The following NDUFA5 variants were observed in gnomAD, a reference collection of about 807,000 sequenced individuals.
NDUFA5 encodes the protein NADH:ubiquinone oxidoreductase subunit A5.
In NDUFA5, 11 loss-of-function variants were observed where a neutral mutation model predicts 19.8. The observed-to-expected ratio is 0.56, with a 90% CI of 0.35 to 0.92. The LOEUF (loss-of-function observed/expected upper bound fraction) is 0.92, where lower values mean the gene tolerates loss of function less well. Ranked by LOEUF, NDUFA5 falls within the 40% of genes least tolerant of loss-of-function variation. The pLI is 0.01. For synonymous variants in NDUFA5, 47 were observed against 46.8 expected (o/e 1.00, Z -0.01); for missense variants, 109 against 134.2 (o/e 0.81, Z 0.93).
chr7:123,546,862 C>A (rs762524932), intron 3 of NDUFA5: 1 of 472,596 alleles, frequency 2.1e-6, no homozygotes. Flanking sequence ...TTTCTAGAAA[C>A]TGTGAGTGTT....
At chr7:123,575,543 C>T in the NDUFA5 span, among the ~76,000 whole-genome samples, 207 of 151,976 alleles carry the variant, frequency 1.4e-3, 1 homozygote, top group African/African-American at 4.7e-3. Context: ...ATCTTAATTC[C>T]CTACATTTCT....
chr7:123,569,441 A>T, the NDUFA5 span, among the ~76,000 whole-genome samples: 1 of 152,180 alleles, frequency 6.6e-6, no homozygotes, highest in African/African-American at 2.4e-5. Context: ...AGTCATTACT[A>T]CCTGGTGTGG....
the NDUFA5 span, among the ~76,000 whole-genome samples, chr7:123,588,388 T>C: frequency 6.6e-6 from 1 of 151,708 alleles, no homozygotes; most frequent in Non-Finnish European, 1.5e-5. Context: ...ATTCATTTCA[T>C]TTGAATCTTC....
At chr7:123,549,012 G>C (rs1798236526) in intron 3 of NDUFA5, among the ~76,000 whole-genome samples, 1 of 138,494 alleles carries the variant, frequency 7.2e-6, no homozygotes, top group African/African-American at 2.6e-5. Context: ...TTACATTGTA[G>C]TATTATAAGT....
the NDUFA5 span, among the ~76,000 whole-genome samples, chr7:123,579,880 A>G: frequency 1.3e-5 from 2 of 152,160 alleles, no homozygotes; most frequent in East Asian, 3.9e-4. Context: ...TTCTCTTGCC[A>G]TTGTTTAGGT....
the NDUFA5 span, among the ~76,000 whole-genome samples, chr7:123,592,668 G>C: frequency 6.6e-6 from 1 of 152,104 alleles, no homozygotes; most frequent in African/African-American, 2.4e-5. Context: ...TGCGATTTCT[G>C]TTCTTTTACA....
At chr7:123,595,753 T>A in the NDUFA5 span, among the ~76,000 whole-genome samples, 32 of 152,188 alleles carry the variant, frequency 2.1e-4, no homozygotes, top group African/African-American at 7.5e-4. Context: ...ACTTTGTAAA[T>A]GCTCTTTAGC....
chr7:123,551,546 T>A (rs1051679674), intron 2 of NDUFA5: 29 of 704,978 alleles, frequency 4.1e-5, no homozygotes, highest in Non-Finnish European at 4.8e-5. Context: ...GCACTGCAAA[T>A]TTTTTTTTTT....
At chr7:123,568,651 T>G in the NDUFA5 span, among the ~76,000 whole-genome samples, 2 of 152,168 alleles carry the variant, frequency 1.3e-5, no homozygotes, top group Non-Finnish European at 2.9e-5. Flanking sequence ...GCTCCTCATT[T>G]AAAAGCAAGA....
the NDUFA5 span, chr7:123,585,107 A>T: frequency 6.6e-6 from 1 of 151,774 alleles, no homozygotes; most frequent in Non-Finnish European, 1.5e-5. Context: ...GGAAAAGACC[A>T]ATATACGTAT....
In NDUFA5 at chr7:123,539,509, C is replaced by G. The variant is rs1316614626; in HGVS notation, c.*2610G>C. 1 of 152,120 alleles carries G rather than the reference C, an allele frequency of 6.6e-6. No homozygotes were observed. Among genetic ancestry groups the G allele is most frequent in the African/African-American group, 2.4e-5 (1 of 41,410 alleles). The allele number at this position is 152,120 out of a possible 1,614,324, so 9.4% of individuals were successfully genotyped here. On this transcript the variant is annotated 3_prime_UTR_variant, in exon 5 of 5. Coordinates refer to ENST00000355749, the MANE Select transcript of NDUFA5 (RefSeq NM_005000.5). ...AGTATGATGATTAACTAGAATGAAACCCATGGGAGAACTGAAATAGGCCAT... is the reference window on the plus strand; with the variant it reads ...AGTATGATGATTAACTAGAATGAAAGCCATGGGAGAACTGAAATAGGCCAT...
At chr7:123,558,831 A>G (rs1261095467), upstream of NDUFA5, among the ~76,000 whole-genome samples, 1 of 152,198 alleles carries the variant, frequency 6.6e-6, no homozygotes, top group Non-Finnish European at 1.5e-5. Flanking sequence ...TCTAAGTGAC[A>G]CCATCAAATT....
At chr7:123,562,201 T>A (rs2116233153), upstream of NDUFA5, among the ~76,000 whole-genome samples, 1 of 152,234 alleles carries the variant, frequency 6.6e-6, no homozygotes, top group South Asian at 2.1e-4. Flanking sequence ...AAATCTTCTT[T>A]TTTCTTAGCC....
upstream of NDUFA5, among the ~76,000 whole-genome samples, chr7:123,560,607 C>A (rs1798676488): frequency 6.6e-6 from 1 of 152,138 alleles, no homozygotes; most frequent in Non-Finnish European, 1.5e-5. Flanking sequence ...AAGACCAAAG[C>A]CAGCAAGACA....
chr7:123,587,909 C>G, the NDUFA5 span, among the ~76,000 whole-genome samples: 5 of 151,682 alleles, frequency 3.3e-5, no homozygotes, highest in East Asian at 9.7e-4. Context: ...GTACATAATC[C>G]TTTTAATGCA....
chr7:123,566,649 C>T, the NDUFA5 span, among the ~76,000 whole-genome samples: 2 of 152,012 alleles, frequency 1.3e-5, no homozygotes, highest in South Asian at 4.1e-4. Context: ...CATATATGTA[C>T]TAATGACATT....
chr7:123,574,364 C>G, the NDUFA5 span, among the ~76,000 whole-genome samples: 9 of 152,250 alleles, frequency 5.9e-5, no homozygotes, highest in East Asian at 9.7e-4. Context: ...GTCGGAATCA[C>G]CTGAGGACTT....
At chr7:123,562,798 C>CTTTCT (rs1256743848), upstream of NDUFA5, among the ~76,000 whole-genome samples, 1 of 136,034 alleles carries the variant, frequency 7.4e-6, no homozygotes, top group Non-Finnish European at 1.6e-5. Flanking sequence ...TTCTTTCTTT[C>CTTTCT]TTTTTTTTTT....
chr7:123,552,318 G>T (rs1308996800), intron 2 of NDUFA5, among the ~76,000 whole-genome samples: 1 of 152,078 alleles, frequency 6.6e-6, no homozygotes, highest in African/African-American at 2.4e-5. Flanking sequence ...AAAAAAGGAT[G>T]AGCTCATATC....
Sources: gnomAD v4.1 joint callset for allele counts (sites outside exome capture counted in the v4.1 genomes callset) on GRCh38, gnomAD v4.1.1 for gene constraint, MANE v1.5 for transcripts, NCBI Gene and HGNC (gene_info 2026-07-23, HGNC 2026-07-21) for gene names.